LINGO2: variants seen among roughly 807,000 people sequenced by gnomAD.
LINGO2 encodes the protein leucine rich repeat and Ig domain containing 2.
In LINGO2, 14 loss-of-function variants were observed where a neutral mutation model predicts 30.6. The observed-to-expected ratio is 0.46, with a 90% CI of 0.30 to 0.72. The LOEUF is 0.72. LINGO2 is among the 30% of genes least tolerant of loss of function. The pLI, the probability that LINGO2 is intolerant of heterozygous loss-of-function variation, is 0.07. For synonymous variants in LINGO2, 317 were observed against 288.5 expected, an observed-to-expected ratio of 1.10 and a Z score of -1.00; for missense variants, 729 against 751.7, an observed-to-expected ratio of 0.97 and a Z score of 0.35.
chr9:29,136,460 A>G, the LINGO2 span, among the ~76,000 whole-genome samples: 1 of 152,158 alleles, frequency 6.6e-6, no homozygotes, highest in Non-Finnish European at 1.5e-5. Context: ...TATTTTCTCC[A>G]AGGTAACATT....
chr9:28,163,412 T>C (rs1296644045), intron 4 of LINGO2, among the ~76,000 whole-genome samples: 1 of 152,138 alleles, frequency 6.6e-6, no homozygotes, highest in African/African-American at 2.4e-5. Context: ...GCAAAGTCTT[T>C]GTTATTTTTA....
At chr9:28,569,898 C>G (rs1386541038) in intron 1 of LINGO2, among the ~76,000 whole-genome samples, 2 of 151,504 alleles carry the variant, frequency 1.3e-5, no homozygotes, top group African/African-American at 2.4e-5. Flanking sequence ...ACATTGTATA[C>G]CTTAAATATT....
intron 4 of LINGO2, among the ~76,000 whole-genome samples, chr9:28,180,283 G>A (rs1235095824): frequency 1.3e-5 from 2 of 152,144 alleles, no homozygotes; most frequent in Non-Finnish European, 1.5e-5. Flanking sequence ...AAGCGATAAG[G>A]AAGGTCCCCA....
chr9:28,952,760 T>C, the LINGO2 span, among the ~76,000 whole-genome samples: 560 of 152,222 alleles, frequency 3.7e-3, 3 homozygotes, highest in African/African-American at 0.013. Flanking sequence ...TGCATGAATG[T>C]CCCAGCAGAG....
intron 1 of LINGO2, among the ~76,000 whole-genome samples, chr9:28,626,461 A>G (rs1826682934): frequency 6.6e-6 from 1 of 152,164 alleles, no homozygotes; most frequent in South Asian, 2.1e-4. Flanking sequence ...AACTGTCTAA[A>G]ATATCTTTGT....
the LINGO2 span, among the ~76,000 whole-genome samples, chr9:28,810,063 C>T: frequency 6.6e-6 from 1 of 152,142 alleles, no homozygotes; most frequent in African/African-American, 2.4e-5. Context: ...TATAATACTA[C>T]ATTTACTCTT....
At chr9:28,165,107 C>T (rs1246608120) in intron 4 of LINGO2, among the ~76,000 whole-genome samples, 1 of 152,160 alleles carries the variant, frequency 6.6e-6, no homozygotes, top group Non-Finnish European at 1.5e-5. Flanking sequence ...GACATACAGA[C>T]CTCTTAATCT....
At chr9:27,981,971 G>A (rs1453222960) in intron 5 of LINGO2, among the ~76,000 whole-genome samples, 1 of 151,784 alleles carries the variant, frequency 6.6e-6, no homozygotes, top group African/African-American at 2.4e-5. Flanking sequence ...AAGCCACACC[G>A]TCTGATTCTA....
At chr9:28,574,006 A>C (rs2135604762) in intron 1 of LINGO2, among the ~76,000 whole-genome samples, 1 of 152,332 alleles carries the variant, frequency 6.6e-6, no homozygotes, top group Non-Finnish European at 1.5e-5. Context: ...TATAAAAATT[A>C]AACTGGCTAT....
the LINGO2 span, among the ~76,000 whole-genome samples, chr9:28,837,593 G>A: frequency 2.1e-5 from 3 of 145,146 alleles, no homozygotes; most frequent in East Asian, 2.1e-4. Context: ...GTTGTGGTGA[G>A]CCAAGATCGC....
chr9:29,093,009 A>C, the LINGO2 span, among the ~76,000 whole-genome samples: 2 of 112,514 alleles, frequency 1.8e-5, 1 homozygote, highest in Admixed American at 2.0e-4. Context: ...TGATTAACAT[A>C]TATATATGAT....
intron 2 of LINGO2, among the ~76,000 whole-genome samples, chr9:28,442,552 C>T (rs1339411940): frequency 1.3e-5 from 2 of 151,968 alleles, no homozygotes; most frequent in Non-Finnish European, 2.9e-5. Flanking sequence ...TCAGTACTTA[C>T]CAACTATTTT....
the LINGO2 span, among the ~76,000 whole-genome samples, chr9:28,938,702 C>G: frequency 6.6e-6 from 1 of 152,126 alleles, no homozygotes; most frequent in South Asian, 2.1e-4. Context: ...ATAGGCTACA[C>G]CATATAGGTG....
chr9:28,189,187 G>A (rs1457761204), intron 4 of LINGO2, among the ~76,000 whole-genome samples: 1 of 150,062 alleles, frequency 6.7e-6, no homozygotes, highest in East Asian at 2.0e-4. Context: ...GATAGCCAGA[G>A]CAGTGATCTT....
the LINGO2 span, among the ~76,000 whole-genome samples, chr9:28,696,111 T>C: frequency 1.6e-3 from 242 of 152,052 alleles, 1 homozygote; most frequent in Non-Finnish European, 2.9e-3. Flanking sequence ...GTCAGCCTCT[T>C]TCTCTTTAGT....
At chr9:28,192,331 A>T (rs1819852393) in intron 4 of LINGO2, among the ~76,000 whole-genome samples, 2 of 152,132 alleles carry the variant, frequency 1.3e-5, no homozygotes, top group African/African-American at 4.8e-5. Flanking sequence ...TCAACTGCAT[A>T]AAATAGGAAC....
At chr9:28,943,739 G>C in the LINGO2 span, among the ~76,000 whole-genome samples, 2 of 152,168 alleles carry the variant, frequency 1.3e-5, no homozygotes, top group East Asian at 1.9e-4. Flanking sequence ...AGGATAACAG[G>C]GCTGGTGATG....
intron 4 of LINGO2, among the ~76,000 whole-genome samples, chr9:28,034,079 G>C (rs976048353): frequency 1.3e-5 from 2 of 152,180 alleles, no homozygotes; most frequent in African/African-American, 4.8e-5. Context: ...TGTCTAGGAG[G>C]CTCCTCCAAA....
chr9:29,192,619 A>G, the LINGO2 span, among the ~76,000 whole-genome samples: 3 of 152,178 alleles, frequency 2.0e-5, no homozygotes, highest in Admixed American at 6.5e-5. Context: ...TTTGATAAAC[A>G]TCTCTTCGCT....
Sources: gnomAD v4.1 joint callset for allele counts (sites outside exome capture counted in the v4.1 genomes callset) on GRCh38, gnomAD v4.1.1 for gene constraint, MANE v1.5 for transcripts, NCBI Gene and HGNC (gene_info 2026-07-23, HGNC 2026-07-21) for gene names.